The following BLTP1 variants were observed in gnomAD, a reference collection of about 807,000 sequenced individuals.
The protein encoded by BLTP1 is fragile site-associated protein.
At chr4:122,266,644 C>A in the BLTP1 span, 2 of 604,638 alleles carry the variant, frequency 3.3e-6, no homozygotes, top group South Asian at 4.0e-5. Context: ...TTATATGAGA[C>A]CATTTTTGCT....
the BLTP1 span, chr4:122,247,165 G>A: frequency 1.9e-6 from 3 of 1,606,736 alleles, no homozygotes; most frequent in South Asian, 3.3e-5. Flanking sequence ...AAGAGGTGTG[G>A]TTGAAGAGAC....
chr4:122,155,954 G>A, the BLTP1 span: 939,714 of 942,848 alleles, frequency 1, 468,375 homozygotes, highest in South Asian at 1. Context: ...AGTCAGGGTA[G>A]TTTCTAGCCA....
At chr4:122,201,462 C>T in the BLTP1 span, among the ~76,000 whole-genome samples, 1 of 152,096 alleles carries the variant, frequency 6.6e-6, no homozygotes, top group African/African-American at 2.4e-5. Flanking sequence ...AGCATGGCTT[C>T]ATTATTTTGT....
At chr4:122,315,493 C>T in the BLTP1 span, 22 of 1,613,926 alleles carry the variant, frequency 1.4e-5, no homozygotes, top group Non-Finnish European at 1.8e-5. Flanking sequence ...GGACACTCAA[C>T]GTATTGTGGA....
the BLTP1 span, chr4:122,251,468 G>A: frequency 5.4e-6 from 5 of 931,286 alleles, no homozygotes; most frequent in Non-Finnish European, 6.4e-6. Flanking sequence ...TATTTAATAT[G>A]TAGTTTAATG....
chr4:122,306,830 GAGCCATTTAAGA>G, the BLTP1 span: 1 of 286,222 alleles, frequency 3.5e-6, no homozygotes, highest in African/African-American at 2.3e-5. Flanking sequence ...AAGTAATGAG[GAGCCATTTAAGA>G]AGCCATTTAA....
the BLTP1 span, among the ~76,000 whole-genome samples, chr4:122,234,567 C>T: frequency 6.6e-6 from 1 of 151,120 alleles, no homozygotes; most frequent in Non-Finnish European, 1.5e-5. Context: ...TTATTTCCGT[C>T]TCACTTGCTC....
chr4:122,289,580 G>A, the BLTP1 span: 1 of 985,120 alleles, frequency 1.0e-6, no homozygotes, highest in Non-Finnish European at 1.2e-6. Context: ...AATTGTCTGT[G>A]GAAACCCTCA....
chr4:122,235,010 C>A, the BLTP1 span: 1 of 1,599,784 alleles, frequency 6.3e-7, no homozygotes, highest in Non-Finnish European at 8.5e-7. Context: ...AAGAAATTCC[C>A]AAAATTATAG....
At chr4:122,218,775 C>T in the BLTP1 span, among the ~76,000 whole-genome samples, 1 of 152,110 alleles carries the variant, frequency 6.6e-6, no homozygotes, top group Non-Finnish European at 1.5e-5. Flanking sequence ...GCATAAAAAA[C>T]CAGGATGAAC....
At chr4:122,248,564 T>G in the BLTP1 span, among the ~76,000 whole-genome samples, 1 of 152,014 alleles carries the variant, frequency 6.6e-6, no homozygotes. Flanking sequence ...TTTTTTGAAC[T>G]TTGATACATC....
the BLTP1 span, chr4:122,224,369 G>A: frequency 9.9e-7 from 1 of 1,010,874 alleles, no homozygotes; most frequent in African/African-American, 1.6e-5. Flanking sequence ...TTAGGAGCTT[G>A]TGGATTCTGA....
At chr4:122,229,375 T>A in the BLTP1 span, 2 of 626,172 alleles carry the variant, frequency 3.2e-6, no homozygotes, top group Non-Finnish European at 5.2e-6. Flanking sequence ...AACTTTCTAA[T>A]TTTTACTAAT....
chr4:122,208,405 A>G, the BLTP1 span: 14 of 985,122 alleles, frequency 1.4e-5, no homozygotes, highest in Admixed American at 1.8e-4. Flanking sequence ...TGAACAAAGA[A>G]TAGAAGTCCT....
chr4:122,277,523 A>T, the BLTP1 span: 3 of 955,284 alleles, frequency 3.1e-6, no homozygotes, highest in Non-Finnish European at 3.7e-6. Context: ...GTCTATTTTA[A>T]TCTCCCAGGA....
the BLTP1 span, chr4:122,264,012 G>C: frequency 2.9e-6 from 2 of 680,950 alleles, no homozygotes; most frequent in Non-Finnish European, 3.6e-6. Flanking sequence ...ATCTAAAACA[G>C]TATGTATGTA....
At chr4:122,214,111 T>C in the BLTP1 span, 29 of 625,378 alleles carry the variant, frequency 4.6e-5, no homozygotes, top group Admixed American at 6.3e-5. Context: ...TGTGGACTTT[T>C]CCTACTGTTT....
the BLTP1 span, chr4:122,269,182 ATG>A: frequency 2.1e-6 from 1 of 487,262 alleles, no homozygotes; most frequent in Non-Finnish European, 2.7e-6. Flanking sequence ...ATATGTTTAT[ATG>A]TATACATACA....
the BLTP1 span, among the ~76,000 whole-genome samples, chr4:122,335,169 C>T: frequency 2.6e-5 from 4 of 152,150 alleles, no homozygotes; most frequent in South Asian, 6.2e-4. Context: ...GGCTTCTCTA[C>T]TGGGCTTCTT....
Sources: allele counts gnomAD v4.1 joint callset (sites outside exome capture counted in the v4.1 genomes callset), GRCh38; gene constraint gnomAD v4.1.1; transcripts MANE v1.5; gene names NCBI Gene and HGNC (gene_info 2026-07-23, HGNC 2026-07-21).